SH2D4A: variants seen among roughly 807,000 people sequenced by gnomAD.
SH2D4A encodes the protein SH2 domain-containing protein 4A.
In SH2D4A, 70 loss-of-function variants were observed where a neutral mutation model predicts 64.7. The observed-to-expected ratio is 1.08, with a 90% confidence interval of 0.89 to 1.32. The LOEUF (loss-of-function observed/expected upper bound fraction) is 1.32. Among genes scored for constraint, SH2D4A ranks in the 40% most tolerant of loss-of-function variants. SH2D4A has a pLI of 0.00. For missense variants in SH2D4A, 706 were observed against 540.1 expected (o/e 1.31, Z -3.04); for synonymous variants, 268 against 200.7 (o/e 1.34, Z -2.83).
At chr8:19,328,585 T>C (rs1320515861) in intron 2 of SH2D4A, among the ~76,000 whole-genome samples, 1 of 152,058 alleles carries the variant, frequency 6.6e-6, no homozygotes, top group Non-Finnish European at 1.5e-5. Flanking sequence ...CCCTAGTCTC[T>C]CCCCATTCTC....
At position 19,363,993 on chromosome 8, in the gene SH2D4A, C is replaced by T. The variant is rs1399356743; in HGVS notation, c.707-79C>T. The T allele has an allele frequency of 2.1e-5, 29 of 1,362,624 alleles. No individual in the cohort carries two copies. In the Middle Eastern group the frequency reaches 7.1e-4, roughly 33 times the overall value. The allele number at this position is 1,362,624 out of a possible 1,614,324, so 84.4% of individuals were successfully genotyped here. On this transcript the variant is annotated intron_variant, in intron 6 of 9. Coordinates refer to ENST00000265807, the MANE Select transcript of SH2D4A (RefSeq NM_022071.4). ...ACTGCTGAGAACCTGCGCTGCTGCCCGTTGTGCAATGAATGCTGAGCCTTC... is the reference window on the plus strand; with the variant it reads ...ACTGCTGAGAACCTGCGCTGCTGCCTGTTGTGCAATGAATGCTGAGCCTTC...
At chr8:19,326,298 C>G (rs1187892998) in intron 2 of SH2D4A, among the ~76,000 whole-genome samples, 1 of 152,162 alleles carries the variant, frequency 6.6e-6, no homozygotes, top group Non-Finnish European at 1.5e-5. Flanking sequence ...TGGGCCCTGC[C>G]AGTCAGGCAT....
At chr8:19,345,411 G>C (rs571662288) in intron 4 of SH2D4A, among the ~76,000 whole-genome samples, 3 of 152,250 alleles carry the variant, frequency 2.0e-5, no homozygotes, top group Non-Finnish European at 4.4e-5. Flanking sequence ...TGTCAAGAAG[G>C]GTTGCCATAC....
intron 7 of SH2D4A, 68 bp downstream of exon 7, chr8:19,364,350 A>G: frequency 6.4e-7 from 1 of 1,559,794 alleles, no homozygotes; most frequent in Non-Finnish European, 8.8e-7. Flanking sequence ...GTTGAAATTA[A>G]AGGGGAATTG....
chr8:19,344,378 C>T (rs1233239353), intron 4 of SH2D4A, among the ~76,000 whole-genome samples: 1 of 152,142 alleles, frequency 6.6e-6, no homozygotes, highest in Non-Finnish European at 1.5e-5. Flanking sequence ...AATCTTTGTA[C>T]CTGGAGCCGC....
At chr8:19,371,580 C>T (rs1915420) in intron 7 of SH2D4A, among the ~76,000 whole-genome samples, 7,451 of 152,138 alleles carry the variant, frequency 0.049, 609 homozygotes, top group African/African-American at 0.17. Flanking sequence ...TGGTGACCTT[C>T]GATCATCCTA....
Position 19,389,075 on chromosome 8 carries a change from A to G in SH2D4A, c.1049-4243A>G, listed in dbSNP as rs527706304. 1.7e-3 allele frequency among the ~76,000 whole-genome samples: 253 copies of G among 152,320 alleles called. 1 individual carries two copies. The highest frequency in any genetic ancestry group is 5.8e-3 in the African/African-American group (241 of 41,582). On this transcript the variant is annotated intron_variant, in intron 8 of 9. Transcript: ENST00000265807. ...CTCAGCAGGTCTAGGAGAAACTGAG[A>G]CTGACTGCCTAGACTAGGATCAGGA...
chr8:19,368,968 G>A (rs2053049232), intron 7 of SH2D4A, among the ~76,000 whole-genome samples: 1 of 152,072 alleles, frequency 6.6e-6, no homozygotes, highest in South Asian at 2.1e-4. Flanking sequence ...CTGTGATTTT[G>A]TCATATATGA....
rs138336431 is a variant in SH2D4A at position 19,327,277 on chromosome 8, A to G, written c.182-5678A>G. On this transcript the variant is annotated intron_variant, in intron 2 of 9. Coordinates refer to ENST00000265807, the MANE Select transcript of SH2D4A (RefSeq NM_022071.4). ...AAGGACTGGAAAGAGAAACCCTGTA[A>G]TTAAACGAAGTGCTATAAAAAGCTC... Among the ~76,000 whole-genome samples the G allele has an allele frequency of 2.3e-3, 348 of 152,298 alleles. 3 individuals carry two copies. The highest frequency in any genetic ancestry group is 8.0e-3 in the African/African-American group (333 of 41,578).
intron 1 of SH2D4A, among the ~76,000 whole-genome samples, chr8:19,316,130 A>G (rs2052083261): frequency 6.6e-6 from 1 of 152,034 alleles, no homozygotes; most frequent in Admixed American, 6.5e-5. Context: ...GGGACAGGTG[A>G]TTTACACCAG....
Position 19,343,169 on chromosome 8 carries a change from A to T in SH2D4A, c.513+8312A>T, listed in dbSNP as rs540109461. On this transcript the variant is annotated intron_variant, in intron 4 of 9. Transcript: ENST00000265807. Reference sequence around the variant, plus strand: ...ACCAGGTGTAGTGGCTCATGCCTGCAATCCCAGCACTTTGGGAGGCCGAGG... The same window carrying T: ...ACCAGGTGTAGTGGCTCATGCCTGCTATCCCAGCACTTTGGGAGGCCGAGG... Among the ~76,000 whole-genome samples the T allele has an allele frequency of 2.0e-5, 3 of 152,322 alleles. No homozygotes were observed. In the South Asian group the frequency reaches 6.2e-4, roughly 32 times the overall value.
At chr8:19,378,889 AC>A (rs1440022134) in intron 8 of SH2D4A, among the ~76,000 whole-genome samples, 2 of 147,240 alleles carry the variant, frequency 1.4e-5, no homozygotes, top group Non-Finnish European at 3.0e-5. Context: ...TACAAAAAAA[AC>A]ATGGCAACAC....
At chr8:19,372,842 T>C (rs538030362) in intron 7 of SH2D4A, among the ~76,000 whole-genome samples, 2 of 150,538 alleles carry the variant, frequency 1.3e-5, no homozygotes, top group Non-Finnish European at 2.9e-5. Flanking sequence ...TGTATTTCTT[T>C]ACTTTTTTTT....
intron 7 of SH2D4A, among the ~76,000 whole-genome samples, chr8:19,371,134 A>C (rs917950608): frequency 6.6e-6 from 1 of 152,136 alleles, no homozygotes; most frequent in Non-Finnish European, 1.5e-5. Context: ...TTTAGTCTTC[A>C]TATCTTTATA....
At chr8:19,356,586 G>A (rs560444478) in intron 4 of SH2D4A, among the ~76,000 whole-genome samples, 5 of 152,344 alleles carry the variant, frequency 3.3e-5, no homozygotes, top group East Asian at 1.9e-4. Context: ...GTTGGCCTGC[G>A]GCAGGCAGGA....
At chr8:19,359,485 T>C (rs2153647961) in intron 5 of SH2D4A, among the ~76,000 whole-genome samples, 1 of 152,348 alleles carries the variant, frequency 6.6e-6, no homozygotes, top group African/African-American at 2.4e-5. Flanking sequence ...CACGTATGCA[T>C]GTGGAAGGAT....
In SH2D4A at chr8:19,393,511, C is replaced by T; in HGVS notation, c.1242C>T (p.Ala414=). The change falls in exon 9 of 10, where the codon GCC becomes GCT. Residue 414 remains alanine (A), a synonymous_variant. Transcript: ENST00000265807. Reference sequence around the variant, plus strand: ...TGGGCGTGGACCAGCTACAGCATGCCACCTTGGCGGATTTGGTGGAATATC... The same window carrying T: ...TGGGCGTGGACCAGCTACAGCATGCTACCTTGGCGGATTTGGTGGAATATC... ...SFLGVDQLQH[A]TLADLVEYHK... is the part of the protein sequence containing the mutation. 6.2e-7 allele frequency: 1 copy of T among 1,614,204 alleles called. No individual in the cohort carries two copies. The highest frequency in any genetic ancestry group is 1.3e-5 in the African/African-American group (1 of 75,064).
chr8:19,361,960 T>C lies in SH2D4A; in HGVS notation c.706+646T>C, dbSNP rs78231449. 4.6e-3 allele frequency among the ~76,000 whole-genome samples: 697 copies of C among 152,276 alleles called. 3 individuals are homozygous for C. Among genetic ancestry groups the C allele is most frequent in the Non-Finnish European group, 7.6e-3 (515 of 68,014 alleles). Reference sequence around the variant, plus strand: ...TGAGCAGAATGGGTGAGAAAACTCATAGGAGAAGAATAAGCCCATGCAACT... The same window carrying C: ...TGAGCAGAATGGGTGAGAAAACTCACAGGAGAAGAATAAGCCCATGCAACT... On this transcript the variant is annotated intron_variant, in intron 6 of 9. Coordinates refer to ENST00000265807, the MANE Select transcript of SH2D4A (RefSeq NM_022071.4).
At chr8:19,357,317 C>A in intron 5 of SH2D4A, 34 bp downstream of exon 5, 2 of 1,391,204 alleles carry the variant, frequency 1.4e-6, no homozygotes, top group Non-Finnish European at 2.0e-6. Flanking sequence ...CCGGGGGCTG[C>A]ATACCTAGGC....
Sources: gnomAD v4.1 joint callset for allele counts (sites outside exome capture counted in the v4.1 genomes callset) on GRCh38, gnomAD v4.1.1 for gene constraint, MANE v1.5 for transcripts, NCBI Gene and HGNC (gene_info 2026-07-23, HGNC 2026-07-21) for gene names.